Variants in H2AZ2 observed in about 807,000 individuals in gnomAD.
H2AZ2 encodes histone H2A.V.
A neutral mutation model predicts 15.5 loss-of-function variants in H2AZ2; 5 were observed. The observed-to-expected ratio is 0.32, with a 90% CI of 0.17 to 0.68. The LOEUF (loss-of-function observed/expected upper bound fraction) is 0.68. Ranked by LOEUF, H2AZ2 falls within the 30% of genes least tolerant of loss-of-function variation. H2AZ2 has a pLI of 0.72. For missense variants in H2AZ2, 42 were observed against 162.5 expected (o/e 0.26, Z 4.03); for synonymous variants, 44 against 57.4 (o/e 0.77, Z 1.05).
Position 44,832,030 on chromosome 7 carries a change from T to C in H2AZ2, c.*2471A>G, listed in dbSNP as rs1273136884. On this transcript the variant is annotated 3_prime_UTR_variant, in exon 5 of 5. Transcript: ENST00000308153. ...ATATAGGGGACAGAAAAGGTGTACA[T>C]GATCCCATTAGGATACATTCAGTAA... Among the ~76,000 whole-genome samples, 1 of 152,202 alleles carries C rather than the reference T, an allele frequency of 6.6e-6. No homozygotes were observed. Among genetic ancestry groups the C allele is most frequent in the Non-Finnish European group, 1.5e-5 (1 of 68,042 alleles).
chr7:44,841,046 A>G, intron 2 of H2AZ2, 34 bp from the exon 3 acceptor site: 2 of 1,486,614 alleles, frequency 1.3e-6, no homozygotes, highest in Non-Finnish European at 1.9e-6. Flanking sequence ...GAAGCACTGC[A>G]GAGTCTTAAC....
At chr7:44,846,976 G>A (rs1793427599) in intron 1 of H2AZ2, among the ~76,000 whole-genome samples, 6 of 152,142 alleles carry the variant, frequency 3.9e-5, no homozygotes, top group Admixed American at 3.9e-4. Flanking sequence ...TCTGTTTACA[G>A]TTAGGTGTTA....
At chr7:44,844,192 A>G (rs1793344370) in intron 1 of H2AZ2, among the ~76,000 whole-genome samples, 2 of 152,242 alleles carry the variant, frequency 1.3e-5, no homozygotes, top group African/African-American at 4.8e-5. Context: ...CAGAATAGCC[A>G]AAAGGTAGAA....
rs190728812 is a variant in H2AZ2 at position 44,832,765 on chromosome 7, T to C, written c.*1736A>G. Among the ~76,000 whole-genome samples the C allele has an allele frequency of 1.0e-3, 152 of 152,070 alleles. No individual in the cohort carries two copies. Among genetic ancestry groups the C allele is most frequent in the Non-Finnish European group, 1.8e-3 (123 of 67,980 alleles). On this transcript the variant is annotated 3_prime_UTR_variant, in exon 5 of 5. Transcript: ENST00000308153. The stretch of plus-strand genomic sequence containing the variant: ...GAGTTCAATACCAACCTGGGCAACA[T>C]AGGGAGACCTCTGTCTCTTACATAA...
intron 3 of H2AZ2, among the ~76,000 whole-genome samples, chr7:44,838,380 G>A (rs573179488): frequency 6.6e-6 from 1 of 151,810 alleles, no homozygotes; most frequent in South Asian, 2.1e-4. Context: ...TTAATAAAAG[G>A]TGGCTCATGT....
intron 2 of H2AZ2, among the ~76,000 whole-genome samples, chr7:44,841,602 C>T (rs934004938): frequency 1.2e-4 from 18 of 152,124 alleles, no homozygotes; most frequent in African/African-American, 2.7e-4. Flanking sequence ...CTCCGCCTCC[C>T]GGGTTCAGGC....
Position 44,833,206 on chromosome 7 carries a change from T to C in H2AZ2, c.*1295A>G, listed in dbSNP as rs1490864518. ...TGGGACAACATGTGTGTACCATGCC[T>C]GGCTAATTTCTGTATTTTTAGTAGA... On this transcript the variant is annotated 3_prime_UTR_variant, in exon 5 of 5. Coordinates refer to ENST00000308153, the MANE Select transcript of H2AZ2 (RefSeq NM_012412.5). 1.3e-5 allele frequency among the ~76,000 whole-genome samples: 2 copies of C among 151,934 alleles called. No individual in the cohort carries two copies. The highest frequency in any genetic ancestry group is 2.9e-5 in the Non-Finnish European group (2 of 67,984).
chr7:44,830,110 C>T, downstream of H2AZ2: 1 of 1,611,884 alleles, frequency 6.2e-7, no homozygotes, highest in South Asian at 1.1e-5. Context: ...TCAGCAAAAC[C>T]TTGCCGTCAC....
chr7:44,830,573 GA>G (rs1354563052), downstream of H2AZ2, among the ~76,000 whole-genome samples: 1 of 152,090 alleles, frequency 6.6e-6, no homozygotes, highest in East Asian at 1.9e-4. Flanking sequence ...TTTAAAAAAA[GA>G]AAAAGAAAAA....
At chr7:44,830,990 G>C (rs1792990829), downstream of H2AZ2, among the ~76,000 whole-genome samples, 1 of 151,990 alleles carries the variant, frequency 6.6e-6, no homozygotes, top group African/African-American at 2.4e-5. Flanking sequence ...TCCTGTCTCA[G>C]AAACAAAAAC....
Position 44,842,004 on chromosome 7 carries a change from G to T in H2AZ2, c.82-992C>A, listed in dbSNP as rs55751098. On this transcript the variant is annotated intron_variant, in intron 2 of 4. Coordinates refer to ENST00000308153, the MANE Select transcript of H2AZ2 (RefSeq NM_012412.5). ...CACCCATTTTTCCTAACCCTAACTT[G>T]ACCTTTGAAGGCCAGCAGTGACATT... Among the ~76,000 whole-genome samples, 527 of 152,208 alleles carry T rather than the reference G, an allele frequency of 3.5e-3. 1 individual carries two copies. Among genetic ancestry groups the T allele is most frequent in the Non-Finnish European group, 5.4e-3 (367 of 68,010 alleles).
intron 3 of H2AZ2, among the ~76,000 whole-genome samples, chr7:44,836,542 G>C (rs890821687): frequency 2.6e-5 from 4 of 151,294 alleles, no homozygotes; most frequent in Non-Finnish European, 5.9e-5. Context: ...TTTTGAGATG[G>C]AGTCTTGCTG....
At position 44,833,380 on chromosome 7, in the gene H2AZ2, G is replaced by A. The variant is rs1048090546; in HGVS notation, c.*1121C>T. Among the ~76,000 whole-genome samples, 27 of 151,996 alleles carry A rather than the reference G, an allele frequency of 1.8e-4. No homozygotes were observed. The highest frequency in any genetic ancestry group is 9.7e-5 in the African/African-American group (4 of 41,364). ...CCTGAGTAGCTGGGACTACAGGCGC[G>A]TGCCACCACACCCGGCTAATTTTTT... On this transcript the variant is annotated 3_prime_UTR_variant, in exon 5 of 5. Transcript: ENST00000308153.
At chr7:44,844,645 C>T (rs566093961) in intron 1 of H2AZ2, among the ~76,000 whole-genome samples, 10 of 152,302 alleles carry the variant, frequency 6.6e-5, no homozygotes, top group African/African-American at 2.4e-4. Flanking sequence ...TGAGCCACTG[C>T]GCCTGGCCGA....
Position 44,832,843 on chromosome 7 carries a change from GCAGGGCTGA to G in H2AZ2, c.*1649_*1657del. Among the ~76,000 whole-genome samples the G allele has an allele frequency of 6.6e-6, 1 of 152,082 alleles. No homozygotes were observed. ...CATGTGCCTGTGGTCCCAGCTATTTGCAGGGCTGAGGTAAGAGGATTGCTTGGGCCTGAG... is the reference window on the plus strand; with the variant it reads ...CATGTGCCTGTGGTCCCAGCTATTTGGGTAAGAGGATTGCTTGGGCCTGAG... On this transcript the variant is annotated 3_prime_UTR_variant, in exon 5 of 5. Transcript: ENST00000308153.
intron 1 of H2AZ2, among the ~76,000 whole-genome samples, chr7:44,844,839 G>A (rs926101166): frequency 6.6e-6 from 1 of 152,038 alleles, no homozygotes; most frequent in African/African-American, 2.4e-5. Flanking sequence ...GTAAATATGG[G>A]GTATTATAGA....
At chr7:44,848,100 C>G (rs370777512), upstream of H2AZ2, 13 of 473,806 alleles carry the variant, frequency 2.7e-5, no homozygotes, top group African/African-American at 2.7e-4. Flanking sequence ...CCGCCTCGCG[C>G]TGCTGTGGCC....
At chr7:44,827,913 C>A (rs887666212), downstream of H2AZ2, 1 of 152,148 alleles carries the variant, frequency 6.6e-6, no homozygotes, top group East Asian at 1.9e-4. Context: ...TTTCATGTAT[C>A]CATTTCAAAG....
chr7:44,834,428 A>G lies in H2AZ2; in HGVS notation c.*73T>C. 6.5e-7 allele frequency: 1 copy of G among 1,540,914 alleles called. No homozygotes were observed. Among genetic ancestry groups the G allele is most frequent in the Non-Finnish European group, 8.8e-7 (1 of 1,137,396 alleles). On this transcript the variant is annotated 3_prime_UTR_variant, in exon 5 of 5. Coordinates refer to ENST00000308153, the MANE Select transcript of H2AZ2 (RefSeq NM_012412.5). Reference sequence around the variant, plus strand: ...ATTTAACTGTTGTTAAAAATTCCACATATCCCCATTATTTCTTCTGTCCCA... The same window carrying G: ...ATTTAACTGTTGTTAAAAATTCCACGTATCCCCATTATTTCTTCTGTCCCA...
Sources: gnomAD v4.1 joint callset for allele counts (sites outside exome capture counted in the v4.1 genomes callset) on GRCh38, gnomAD v4.1.1 for gene constraint, MANE v1.5 for transcripts, NCBI Gene and HGNC (gene_info 2026-07-23, HGNC 2026-07-21) for gene names.